The following ADAM18 variants were observed in gnomAD, a reference collection of about 807,000 sequenced individuals.
ADAM18 encodes disintegrin and metalloproteinase domain-containing protein 18.
In ADAM18, 117 loss-of-function variants were observed where a neutral mutation model predicts 94.4. That is an observed-to-expected ratio of 1.24 (90% CI 1.07 to 1.45). The LOEUF is 1.45. ADAM18 is among the 40% of genes most tolerant of loss of function. The pLI is 0.00. For missense variants in ADAM18, 936 were observed against 880.0 expected (o/e 1.06, Z -0.81); for synonymous variants, 327 against 291.6 (o/e 1.12, Z -1.24).
chr8:39,677,366 T>A, intron 14 of ADAM18, 65 bp from the exon 15 acceptor site: 1 of 1,306,660 alleles, frequency 7.7e-7, no homozygotes, highest in Middle Eastern at 1.9e-4. Context: ...TTCCTTAGTC[T>A]GTTACTGACA....
At position 39,723,772 on chromosome 8, in the gene ADAM18, A is replaced by C; in HGVS notation, c.2042A>C (p.Tyr681Ser). The C allele has an allele frequency of 6.4e-7, 1 of 1,564,328 alleles. No homozygotes were observed. Among genetic ancestry groups the C allele is most frequent in the Non-Finnish European group, 8.6e-7 (1 of 1,157,488 alleles). ...GGTGACTTTTATACTGAAAAAGGCT[A>C]CAATACACACTGGAACAACTGGTTT... ...KSGDFYTEKG[Y>S]NTHWNNWFIL... Residue 681 changes from tyrosine (Y) to serine (S), a missense_variant, in exon 19 of 20, where the codon TAC (tyrosine) becomes TCC (serine). Coordinates refer to ENST00000265707, the MANE Select transcript of ADAM18 (RefSeq NM_014237.3).
rs140969900 is a variant in ADAM18 at position 39,696,922 on chromosome 8, T to A, written c.1902+4242T>A. Among the ~76,000 whole-genome samples, 354 of 151,772 alleles carry A rather than the reference T, an allele frequency of 2.3e-3. 2 individuals are homozygous for A. Among genetic ancestry groups the A allele is most frequent in the African/African-American group, 8.1e-3 (336 of 41,534 alleles). On this transcript the variant is annotated intron_variant, in intron 17 of 19. Coordinates refer to ENST00000265707, the MANE Select transcript of ADAM18 (RefSeq NM_014237.3). ...CAAAAAAGCATCATTGGAATTTTGA[T>A]CAAGATTGTTATGAATCTGTAGATT...
intron 2 of ADAM18, among the ~76,000 whole-genome samples, chr8:39,598,821 T>A (rs890059857): frequency 1.3e-5 from 2 of 152,078 alleles, no homozygotes; most frequent in African/African-American, 4.8e-5. Flanking sequence ...TTTTTCTTTT[T>A]TCTTTTTTGA....
At position 39,675,414 on chromosome 8, in the gene ADAM18, C is replaced by T. The variant is rs570774111; in HGVS notation, c.1526-2017C>T. Among the ~76,000 whole-genome samples the T allele has an allele frequency of 7.9e-5, 12 of 152,280 alleles. No individual in the cohort carries two copies. The South Asian group carries it at 1.2e-3, about 16-fold the overall frequency. On this transcript the variant is annotated intron_variant, in intron 14 of 19. Transcript: ENST00000265707. ...TACCCTTTCTTCCACTTAATAGAATCGGCTATTGATGTTTGTGCATGCCTC... is the reference window on the plus strand; with the variant it reads ...TACCCTTTCTTCCACTTAATAGAATTGGCTATTGATGTTTGTGCATGCCTC...
intron 18 of ADAM18, among the ~76,000 whole-genome samples, chr8:39,707,299 A>T (rs549196789): frequency 6.6e-6 from 1 of 152,276 alleles, no homozygotes; most frequent in African/African-American, 2.4e-5. Flanking sequence ...TCTGTTTTTC[A>T]GTCCAAACCT....
intron 14 of ADAM18, among the ~76,000 whole-genome samples, chr8:39,672,141 G>C (rs1821174764): frequency 6.6e-6 from 1 of 152,112 alleles, no homozygotes; most frequent in Non-Finnish European, 1.5e-5. Flanking sequence ...GAAAAAAGAA[G>C]AAAAAGGCTC....
At chr8:39,695,579 T>A (rs1292770860) in intron 17 of ADAM18, among the ~76,000 whole-genome samples, 3 of 151,348 alleles carry the variant, frequency 2.0e-5, no homozygotes, top group Admixed American at 6.6e-5. Flanking sequence ...TTTAAAAATA[T>A]ATCCTCCATT....
chr8:39,636,280 C>T (rs551351132), intron 7 of ADAM18, among the ~76,000 whole-genome samples: 2 of 152,276 alleles, frequency 1.3e-5, no homozygotes, highest in South Asian at 4.1e-4. Flanking sequence ...GTCACTGCAC[C>T]TGTCCAACAA....
At chr8:39,647,098 G>A (rs183584153) in intron 11 of ADAM18, among the ~76,000 whole-genome samples, 208 of 152,096 alleles carry the variant, frequency 1.4e-3, no homozygotes, top group African/African-American at 4.8e-3. Context: ...GGGCCCAGGA[G>A]ACCGGCACTC....
At chr8:39,671,992 G>C (rs1243633013) in intron 14 of ADAM18, among the ~76,000 whole-genome samples, 1 of 152,056 alleles carries the variant, frequency 6.6e-6, no homozygotes, top group Non-Finnish European at 1.5e-5. Flanking sequence ...CTCTCCTAAA[G>C]TACAGCATTT....
intron 17 of ADAM18, among the ~76,000 whole-genome samples, chr8:39,704,372 T>C (rs1822176426): frequency 6.6e-6 from 1 of 152,086 alleles, no homozygotes. Flanking sequence ...AATCAGATAG[T>C]CTTCATCTCC....
chr8:39,711,860 G>A (rs1448122525), intron 18 of ADAM18, among the ~76,000 whole-genome samples: 1 of 151,416 alleles, frequency 6.6e-6, no homozygotes, highest in Non-Finnish European at 1.5e-5. Flanking sequence ...AAGACATAAT[G>A]CCCCAAAACT....
At chr8:39,611,589 G>A in intron 6 of ADAM18, 1 of 985,230 alleles carries the variant, frequency 1.0e-6, no homozygotes, top group Non-Finnish European at 1.2e-6. Flanking sequence ...TCTGGTTTCA[G>A]GTAAGAGATA....
In ADAM18 at chr8:39,709,106, TG is replaced by T. The variant is rs143904082; in HGVS notation, c.2017+2204del. On this transcript the variant is annotated intron_variant, in intron 18 of 19. Transcript: ENST00000265707. ...CACTCATGGCTCCCGAGCTCTTGTC[TG>T]GTGTCCAGGAAAAATGAAGTCATGT... Among the ~76,000 whole-genome samples the T allele has an allele frequency of 1.1e-3, 170 of 152,270 alleles. 3 individuals carry two copies. In the East Asian group the frequency reaches 0.026, roughly 23 times the overall value.
At position 39,693,524 on chromosome 8, in the gene ADAM18, T is replaced by C. The variant is rs547572366; in HGVS notation, c.1902+844T>C. ...AGTTATGCAATATCTCAACACAAAG[T>C]TATACGTTTTTTGTATAACTTTATA... On this transcript the variant is annotated intron_variant, in intron 17 of 19. Coordinates refer to ENST00000265707, the MANE Select transcript of ADAM18 (RefSeq NM_014237.3). 2.6e-5 allele frequency among the ~76,000 whole-genome samples: 4 copies of C among 151,382 alleles called. No individual in the cohort carries two copies. The East Asian group carries it at 7.7e-4, about 29-fold the overall frequency.
At chr8:39,585,532 C>T (rs989893309) in intron 2 of ADAM18, among the ~76,000 whole-genome samples, 180 bp downstream of exon 2, 2 of 152,074 alleles carry the variant, frequency 1.3e-5, no homozygotes, top group African/African-American at 4.8e-5. Flanking sequence ...TGCTTATTTC[C>T]CTGTCTTTTC....
rs1184340609 is a variant in ADAM18, at chr8:39,585,296, C to T, written c.76C>T (p.His26Tyr). Residue 26 changes from histidine to tyrosine, a missense_variant, in exon 2 of 20, where the codon CAT becomes TAT. By Grantham distance (83) the His-to-Tyr change is moderately conservative (BLOSUM62 2). Coordinates refer to ENST00000265707, the MANE Select transcript of ADAM18 (RefSeq NM_014237.3). ...TGCAGGTTCTGAAGGAATATTTCTG[C>T]ATGTCACAGTTCCACGGAAGATTAA... is the stretch of plus-strand genomic sequence containing the variant. ...AHEGSEGIFL[H>Y]VTVPRKIKSN... The T allele has an allele frequency of 6.2e-7, 1 of 1,612,554 alleles. No homozygotes were observed. Among genetic ancestry groups the T allele is most frequent in the South Asian group, 1.1e-5 (1 of 90,640 alleles).
intron 6 of ADAM18, among the ~76,000 whole-genome samples, chr8:39,626,881 T>C (rs982823455): frequency 1.3e-5 from 2 of 152,072 alleles, no homozygotes; most frequent in African/African-American, 2.4e-5. Flanking sequence ...AGTTCTTGGG[T>C]AGAATAGTTT....
intron 18 of ADAM18, among the ~76,000 whole-genome samples, chr8:39,711,541 G>T (rs1307527089): frequency 6.6e-6 from 1 of 152,058 alleles, no homozygotes; most frequent in East Asian, 1.9e-4. Context: ...GACAAAATGA[G>T]AATATCAATA....
Sources: allele counts gnomAD v4.1 joint callset (sites outside exome capture counted in the v4.1 genomes callset), GRCh38; gene constraint gnomAD v4.1.1; transcripts MANE v1.5; gene names NCBI Gene and HGNC (gene_info 2026-07-23, HGNC 2026-07-21).